Variants in MARCHF1 observed in about 807,000 individuals in gnomAD.
MARCHF1 encodes E3 ubiquitin-protein ligase MARCHF1.
In MARCHF1, 40 loss-of-function variants were observed where a neutral mutation model predicts 54.2. The observed-to-expected ratio is 0.74, with a 90% confidence interval of 0.57 to 0.96. The LOEUF (loss-of-function observed/expected upper bound fraction) is 0.96. Among genes scored for constraint, MARCHF1 ranks in the 40% least tolerant of loss-of-function variants. MARCHF1 has a pLI of 0.00. For missense variants in MARCHF1, 586 were observed against 656.5 expected (o/e 0.89, Z 1.17); for synonymous variants, 236 against 236.3 (o/e 1.00, Z 0.01).
intron 1 of MARCHF1, among the ~76,000 whole-genome samples, chr4:164,245,697 A>G (rs1487312653): frequency 7.9e-5 from 12 of 151,638 alleles, no homozygotes; most frequent in Admixed American, 3.9e-4. Context: ...ATATCTAGAA[A>G]ACCCCATCGT....
At chr4:163,535,954 G>A (rs1040468969) in intron 9 of MARCHF1, among the ~76,000 whole-genome samples, 1 of 152,056 alleles carries the variant, frequency 6.6e-6, no homozygotes, top group Non-Finnish European at 1.5e-5. Context: ...TTAGAGGCCA[G>A]GCATGCTGCT....
chr4:163,723,852 T>C (rs1291336), intron 4 of MARCHF1, among the ~76,000 whole-genome samples: 135,687 of 152,226 alleles, frequency 0.89, 60,577 homozygotes, highest in Non-Finnish European at 0.92. Flanking sequence ...ACGTAGTTCT[T>C]GTGCCATGGT....
intron 1 of MARCHF1, among the ~76,000 whole-genome samples, chr4:164,140,152 TAGGCACACACACACTC>T (rs974955205): frequency 6.1e-4 from 93 of 151,300 alleles, no homozygotes; most frequent in African/African-American, 2.1e-3. Flanking sequence ...TAAAGATACA[TAGGCACACACACACTC>T]ATGCACACAC....
At chr4:164,247,416 A>C (rs551507108) in intron 1 of MARCHF1, among the ~76,000 whole-genome samples, 1 of 151,312 alleles carries the variant, frequency 6.6e-6, no homozygotes, top group Non-Finnish European at 1.5e-5. Flanking sequence ...ATGAGATCAC[A>C]TGGACACAGG....
At chr4:164,366,737 A>G (rs976873862) in intron 1 of MARCHF1, among the ~76,000 whole-genome samples, 1 of 152,008 alleles carries the variant, frequency 6.6e-6, no homozygotes, top group African/African-American at 2.4e-5. Context: ...GTTTCAGCAT[A>G]TTAAATTTTT....
At chr4:164,277,243 C>T (rs1426487277) in intron 1 of MARCHF1, among the ~76,000 whole-genome samples, 17 of 152,054 alleles carry the variant, frequency 1.1e-4, no homozygotes, top group Non-Finnish European at 2.4e-4. Flanking sequence ...CTGTTTTATT[C>T]CCTACTGTAT....
At chr4:163,552,875 T>C (rs4997331) in intron 8 of MARCHF1, among the ~76,000 whole-genome samples, 13,431 of 151,834 alleles carry the variant, frequency 0.088, 676 homozygotes, top group African/African-American at 0.12. Context: ...CTACTAAAAA[T>C]ACAAAAAATC....
intron 3 of MARCHF1, among the ~76,000 whole-genome samples, chr4:163,877,208 T>G (rs1295620351): frequency 1.3e-5 from 2 of 152,172 alleles, no homozygotes; most frequent in Non-Finnish European, 1.5e-5. Context: ...AGATCATTAT[T>G]TTCATCCCTA....
At chr4:164,183,991 C>T (rs940201802) in intron 1 of MARCHF1, among the ~76,000 whole-genome samples, 4 of 152,268 alleles carry the variant, frequency 2.6e-5, no homozygotes, top group African/African-American at 4.8e-5. Context: ...GGAAGAGGTT[C>T]GCTTTAGAAC....
At chr4:164,110,671 AT>A (rs1304335990) in intron 2 of MARCHF1, among the ~76,000 whole-genome samples, 2 of 149,256 alleles carry the variant, frequency 1.3e-5, no homozygotes, top group African/African-American at 4.9e-5. Context: ...ATACAATCAT[AT>A]TTTTTTTCTC....
chr4:164,369,658 A>G (rs1161432375), intron 1 of MARCHF1, among the ~76,000 whole-genome samples: 1 of 152,150 alleles, frequency 6.6e-6, no homozygotes, highest in Non-Finnish European at 1.5e-5. Context: ...TACGTACTAT[A>G]ATGTACCTAT....
chr4:164,359,710 C>A (rs1730668098), intron 1 of MARCHF1, among the ~76,000 whole-genome samples: 1 of 152,126 alleles, frequency 6.6e-6, no homozygotes, highest in Non-Finnish European at 1.5e-5. Context: ...TCTGCTGTAA[C>A]AATGTCTATT....
intron 1 of MARCHF1, among the ~76,000 whole-genome samples, chr4:164,335,833 C>A (rs1729723128): frequency 6.6e-6 from 1 of 151,880 alleles, no homozygotes; most frequent in East Asian, 1.9e-4. Context: ...CCTGGGATGC[C>A]AAAAAACTTG....
At chr4:163,678,737 A>G (rs1743997579) in intron 5 of MARCHF1, among the ~76,000 whole-genome samples, 1 of 152,154 alleles carries the variant, frequency 6.6e-6, no homozygotes, top group South Asian at 2.1e-4. Flanking sequence ...GTATTTTTCT[A>G]CATTTTCTTT....
chr4:164,025,053 C>T (rs963479176), intron 2 of MARCHF1, among the ~76,000 whole-genome samples: 1 of 152,170 alleles, frequency 6.6e-6, no homozygotes, highest in African/African-American at 2.4e-5. Flanking sequence ...AATATATATG[C>T]ACCCATTGGA....
intron 4 of MARCHF1, among the ~76,000 whole-genome samples, chr4:163,849,618 C>T (rs187589010): frequency 6.6e-6 from 1 of 152,192 alleles, no homozygotes; most frequent in East Asian, 1.9e-4. Context: ...CACTGGTTTC[C>T]AGCCAAAGGT....
rs576372551 is a variant in MARCHF1 at position 163,855,389 on chromosome 4, C to T, written c.-38-1220G>A. On this transcript the variant is annotated intron_variant, in intron 3 of 9. Coordinates refer to ENST00000514618, the MANE Select transcript of MARCHF1 (RefSeq NM_001394959.1). ...TTATTAGTGCTTGGCCTTTCAAACA[C>T]ATTGCTTGAGATTTATGTAAAATTG... 3.9e-5 allele frequency among the ~76,000 whole-genome samples: 6 copies of T among 152,286 alleles called. No individual in the cohort carries two copies. In the South Asian group the frequency reaches 1.2e-3, roughly 32 times the overall value.
intron 1 of MARCHF1, chr4:164,188,210 T>G (rs1317979604): frequency 4.6e-6 from 1 of 215,518 alleles, no homozygotes. Flanking sequence ...TACGATCAAG[T>G]ATATATACAC....
chr4:163,971,296 G>C (rs1579430808), intron 3 of MARCHF1, among the ~76,000 whole-genome samples: 1 of 152,162 alleles, frequency 6.6e-6, no homozygotes, highest in African/African-American at 2.4e-5. Flanking sequence ...TCCACACGAA[G>C]ACTCAGGAGA....
Sources: allele counts gnomAD v4.1 joint callset (sites outside exome capture counted in the v4.1 genomes callset), GRCh38; gene constraint gnomAD v4.1.1; transcripts MANE v1.5; gene names NCBI Gene and HGNC (gene_info 2026-07-23, HGNC 2026-07-21).